WDPCP: variants seen among roughly 807,000 people sequenced by gnomAD.
WDPCP encodes WD repeat-containing and planar cell polarity effector protein fritz homolog.
In WDPCP, 71 loss-of-function variants were observed where a neutral mutation model predicts 93.1. That is an observed-to-expected ratio of 0.76 (90% CI 0.63 to 0.93). The LOEUF is 0.93. Ranked by LOEUF, WDPCP falls within the 40% of genes least tolerant of loss-of-function variation. WDPCP has a pLI of 0.00. For synonymous variants in WDPCP, 315 were observed against 315.0 expected (o/e 1.00, Z 0.00); for missense variants, 844 against 887.4 (o/e 0.95, Z 0.62).
At chr2:63,495,829 T>C (rs1701190698) in intron 1 of WDPCP, among the ~76,000 whole-genome samples, 1 of 152,172 alleles carries the variant, frequency 6.6e-6, no homozygotes, top group East Asian at 1.9e-4. Flanking sequence ...TCTGACCTTA[T>C]ATGGTAATCT....
intron 14 of WDPCP, among the ~76,000 whole-genome samples, chr2:63,197,214 T>C (rs1675507235): frequency 6.6e-6 from 1 of 151,710 alleles, no homozygotes; most frequent in African/African-American, 2.4e-5. Flanking sequence ...TTTATGATAA[T>C]TCACTTTCAT....
At chr2:63,333,061 A>AT (rs1157241093) in intron 12 of WDPCP, among the ~76,000 whole-genome samples, 2 of 151,974 alleles carry the variant, frequency 1.3e-5, no homozygotes, top group African/African-American at 4.8e-5. Flanking sequence ...ACGATTTTTT[A>AT]TTTTTTTGGC....
chr2:63,362,513 G>A (rs935064567), intron 12 of WDPCP, among the ~76,000 whole-genome samples: 1 of 151,844 alleles, frequency 6.6e-6, no homozygotes, highest in Non-Finnish European at 1.5e-5. Context: ...TAATAATACT[G>A]GTCTTCTTAG....
At chr2:63,675,229 T>G (rs2106635298) in intron 2 of WDPCP, among the ~76,000 whole-genome samples, 1 of 152,276 alleles carries the variant, frequency 6.6e-6, no homozygotes, top group Non-Finnish European at 1.5e-5. Flanking sequence ...CCTCCTTCAT[T>G]GGGACTCTTC....
intron 14 of WDPCP, chr2:63,229,757 T>C (rs1678654836): frequency 6.6e-6 from 1 of 152,050 alleles, no homozygotes; most frequent in Non-Finnish European, 1.5e-5. Context: ...TATGCGGCAT[T>C]ATTTCTGAGG....
At chr2:63,303,456 G>A (rs1020790476) in intron 13 of WDPCP, among the ~76,000 whole-genome samples, 2 of 152,110 alleles carry the variant, frequency 1.3e-5, no homozygotes, top group South Asian at 2.1e-4. Context: ...TGACTGATAC[G>A]CCTGGACCCT....
At position 63,560,671 on chromosome 2, in the gene WDPCP, T is replaced by C. The variant is rs199748361; in HGVS notation, c.75+27526A>G. On this transcript the variant is annotated intron_variant, in intron 1 of 17. Coordinates refer to ENST00000272321, the MANE Select transcript of WDPCP (RefSeq NM_015910.7). ...GCAGCCATACAAAAGGGTGAGTTTA[T>C]GTCCTTTGCAGGGACATAGATGAAG... Among the ~76,000 whole-genome samples, 5 of 152,332 alleles carry C rather than the reference T, an allele frequency of 3.3e-5. 1 individual carries two copies. The East Asian group carries it at 9.6e-4, about 29-fold the overall frequency.
At chr2:63,786,560 T>G (rs1670469024) in intron 2 of WDPCP, among the ~76,000 whole-genome samples, 1 of 152,184 alleles carries the variant, frequency 6.6e-6, no homozygotes, top group Non-Finnish European at 1.5e-5. Context: ...CTGATCTATA[T>G]CCTTACCTCC....
At chr2:63,784,582 G>A (rs1207134906) in intron 2 of WDPCP, among the ~76,000 whole-genome samples, 2 of 151,854 alleles carry the variant, frequency 1.3e-5, no homozygotes, top group Non-Finnish European at 2.9e-5. Flanking sequence ...GTGTGTGTGT[G>A]TGTGTGTGTG....
intron 17 of WDPCP, among the ~76,000 whole-genome samples, chr2:63,143,578 C>T (rs1559150928): frequency 6.6e-6 from 1 of 151,988 alleles, no homozygotes; most frequent in Non-Finnish European, 1.5e-5. Flanking sequence ...GATGTGTTTC[C>T]AGAATTTGTT....
intron 10 of WDPCP, among the ~76,000 whole-genome samples, chr2:63,389,306 A>G (rs762178829): frequency 1.8e-4 from 28 of 152,202 alleles, no homozygotes; most frequent in Admixed American, 5.2e-4. Context: ...ACTAAGCTTC[A>G]TAAGTGAAAA....
rs769493272 is a variant in WDPCP at position 63,605,354 on chromosome 2, C to A, written n.488+45305G>T. The A allele has an allele frequency of 1.2e-5, 20 of 1,614,210 alleles. No individual in the cohort carries two copies. The South Asian group carries it at 2.2e-4, about 18-fold the overall frequency. ...GTGCCATGTCTGCTGCAAAAGCCAT[C>A]TGTGACCACGTCAGGGACATCTGGT... On this transcript the variant is annotated intron_variant and non_coding_transcript_variant, in intron 3 of 4. Transcript: ENST00000467687.
At chr2:63,575,468 CAGTATAT>C (rs1468333287) in intron 1 of WDPCP, among the ~76,000 whole-genome samples, 43 of 322 alleles carry the variant, frequency 0.13, 4 homozygotes, top group Non-Finnish European at 0.15. Flanking sequence ...AGTATATATG[CAGTATAT>C]ACAGTGTATA....
chr2:63,819,068 A>T (rs545427366), intron 1 of WDPCP, among the ~76,000 whole-genome samples: 1 of 152,330 alleles, frequency 6.6e-6, no homozygotes, highest in South Asian at 2.1e-4. Flanking sequence ...TCCATATATC[A>T]CAGTTTAAAT....
At chr2:63,315,597 A>C (rs6545988) in intron 12 of WDPCP, among the ~76,000 whole-genome samples, 119,163 of 151,938 alleles carry the variant, frequency 0.78, 47,314 homozygotes, top group East Asian at 0.96. Flanking sequence ...TGAATTATTA[A>C]AGTAGGCATA....
intron 2 of WDPCP, among the ~76,000 whole-genome samples, chr2:63,654,551 G>C (rs1269004369): frequency 6.6e-6 from 1 of 152,246 alleles, no homozygotes; most frequent in South Asian, 2.1e-4. Flanking sequence ...GGAAAAGCTT[G>C]ATGTGAAAGG....
At chr2:63,506,042 T>C (rs930886149) in intron 1 of WDPCP, among the ~76,000 whole-genome samples, 3 of 152,054 alleles carry the variant, frequency 2.0e-5, no homozygotes, top group African/African-American at 7.2e-5. Context: ...AAAATAGAAA[T>C]CATATATTCA....
chr2:63,271,289 GA>G (rs1682617646), intron 13 of WDPCP, among the ~76,000 whole-genome samples: 3 of 152,228 alleles, frequency 2.0e-5, no homozygotes, highest in Non-Finnish European at 4.4e-5. Flanking sequence ...GGAGCCCAGA[GA>G]CCAGCCAACC....
chr2:63,307,814 G>A (rs1338831228), intron 13 of WDPCP, among the ~76,000 whole-genome samples: 1 of 152,072 alleles, frequency 6.6e-6, no homozygotes. Flanking sequence ...CACAGGCATG[G>A]GCAAAGACTT....
Sources: gnomAD v4.1 joint callset for allele counts (sites outside exome capture counted in the v4.1 genomes callset) on GRCh38, gnomAD v4.1.1 for gene constraint, MANE v1.5 for transcripts, NCBI Gene and HGNC (gene_info 2026-07-23, HGNC 2026-07-21) for gene names.